Variants in STPG2 observed in about 807,000 individuals in gnomAD.
The protein encoded by STPG2 is sperm tail PG-rich repeat containing 2.
A neutral mutation model predicts 54.2 loss-of-function variants in STPG2; 56 were observed. That is an observed-to-expected ratio of 1.03 (90% confidence interval 0.83 to 1.29). The LOEUF is 1.29. Ranked by LOEUF, STPG2 falls within the 50% of genes most tolerant of loss-of-function variation. The probability of loss-of-function intolerance (pLI) is 0.00; values close to 1 mark genes in which losing one functional copy is unlikely to be tolerated. For synonymous variants in STPG2, 200 were observed against 181.8 expected (o/e 1.10, Z -0.81); for missense variants, 596 against 544.9 (o/e 1.09, Z -0.93).
At chr4:97,754,694 T>C (rs1210483245) in intron 9 of STPG2, among the ~76,000 whole-genome samples, 3 of 152,034 alleles carry the variant, frequency 2.0e-5, no homozygotes, top group Non-Finnish European at 4.4e-5. Flanking sequence ...TCACAATTTC[T>C]CTCTTCTCAC....
chr4:97,516,572 C>G (rs1296336278), intron 4 of STPG2, among the ~76,000 whole-genome samples: 1 of 151,962 alleles, frequency 6.6e-6, no homozygotes, highest in Non-Finnish European at 1.5e-5. Context: ...CGTGTAATCC[C>G]AGCACTTTGG....
intron 4 of STPG2, among the ~76,000 whole-genome samples, chr4:97,445,724 A>T (rs1729205064): frequency 6.6e-6 from 1 of 152,202 alleles, no homozygotes; most frequent in Non-Finnish European, 1.5e-5. Context: ...TGGCATCTAT[A>T]TGAATTTGAT....
At chr4:97,845,502 C>T (rs769401645) in intron 8 of STPG2, among the ~76,000 whole-genome samples, 4 of 152,196 alleles carry the variant, frequency 2.6e-5, no homozygotes, top group South Asian at 4.1e-4. Context: ...TCAATATTTG[C>T]TTTGCATATA....
intron 9 of STPG2, among the ~76,000 whole-genome samples, chr4:97,763,189 G>A (rs1338038662): frequency 6.6e-6 from 1 of 152,072 alleles, no homozygotes; most frequent in Admixed American, 6.6e-5. Context: ...ATATTTTTTG[G>A]AATGGTCATG....
chr4:97,943,476 T>C (rs949213373), intron 8 of STPG2, among the ~76,000 whole-genome samples: 1 of 152,198 alleles, frequency 6.6e-6, no homozygotes, highest in Admixed American at 6.5e-5. Flanking sequence ...TTTATAGCCA[T>C]ACCATTTAAC....
Position 97,829,009 on chromosome 4 carries a change from G to A in STPG2, c.1204+11764C>T, listed in dbSNP as rs564043823. ...AGAGCAGCAGATCTCGAAGCACAGCGTTTGAGTCTCTGCTAAGGGTCAGAC... is the reference window on the plus strand; with the variant it reads ...AGAGCAGCAGATCTCGAAGCACAGCATTTGAGTCTCTGCTAAGGGTCAGAC... On this transcript the variant is annotated intron_variant, in intron 9 of 10. Transcript: ENST00000295268. 2.5e-4 allele frequency among the ~76,000 whole-genome samples: 38 copies of A among 152,294 alleles called. No homozygotes were observed. The South Asian group carries it at 2.9e-3, about 12-fold the overall frequency.
At position 97,970,908 on chromosome 4, in the gene STPG2, C is replaced by T. The variant is rs1033208388; in HGVS notation, c.933+1372G>A. On this transcript the variant is annotated intron_variant, in intron 7 of 10. Transcript: ENST00000295268. ...ATGGGAGAAAATTTTTGCAATCTAC[C>T]CATCTGACAAAGGGCTAATATCCAG... is the stretch of plus-strand genomic sequence containing the variant. Among the ~76,000 whole-genome samples, 180 of 152,176 alleles carry T rather than the reference C, an allele frequency of 1.2e-3. 1 individual carries two copies. Among genetic ancestry groups the T allele is most frequent in the African/African-American group, 4.1e-3 (171 of 41,524 alleles).
intron 4 of STPG2, among the ~76,000 whole-genome samples, chr4:97,447,239 G>A (rs1369624366): frequency 6.6e-6 from 1 of 152,100 alleles, no homozygotes; most frequent in Non-Finnish European, 1.5e-5. Flanking sequence ...TCTGAAATTG[G>A]AACTTACATT....
chr4:98,021,014 T>C (rs564727964), intron 5 of STPG2, among the ~76,000 whole-genome samples: 41 of 151,030 alleles, frequency 2.7e-4, no homozygotes, highest in African/African-American at 9.4e-4. Flanking sequence ...GTGTCTTTGT[T>C]TAATTCAGTT....
chr4:97,919,845 G>A (rs1261015381), intron 8 of STPG2, among the ~76,000 whole-genome samples: 1 of 151,982 alleles, frequency 6.6e-6, no homozygotes, highest in African/African-American at 2.4e-5. Context: ...ACCTATAAAA[G>A]GTCATTATAA....
At chr4:97,626,118 C>T (rs1057355351) in intron 10 of STPG2, among the ~76,000 whole-genome samples, 1 of 152,130 alleles carries the variant, frequency 6.6e-6, no homozygotes, top group Non-Finnish European at 1.5e-5. Flanking sequence ...GTTATTCACT[C>T]TATAACATAT....
At chr4:97,754,915 G>A (rs758730414) in intron 9 of STPG2, among the ~76,000 whole-genome samples, 4 of 152,044 alleles carry the variant, frequency 2.6e-5, no homozygotes, top group Non-Finnish European at 4.4e-5. Context: ...AGAAACCTAC[G>A]AACCACAACC....
chr4:97,560,777 A>G (rs1270360171), intron 10 of STPG2, among the ~76,000 whole-genome samples: 1 of 152,182 alleles, frequency 6.6e-6, no homozygotes, highest in Non-Finnish European at 1.5e-5. Flanking sequence ...CCTATACCCA[A>G]GATGTATTCT....
At chr4:97,688,909 A>G (rs1255089974) in intron 10 of STPG2, among the ~76,000 whole-genome samples, 3 of 152,228 alleles carry the variant, frequency 2.0e-5, no homozygotes, top group African/African-American at 7.2e-5. Flanking sequence ...GAGATCAGAA[A>G]GATATATACA....
intron 10 of STPG2, among the ~76,000 whole-genome samples, chr4:97,691,486 G>C (rs1001990647): frequency 1.3e-5 from 2 of 152,068 alleles, no homozygotes; most frequent in Admixed American, 6.6e-5. Context: ...ATTGTACTGG[G>C]AACCACAACT....
At chr4:97,510,506 T>A (rs545741561) in intron 4 of STPG2, among the ~76,000 whole-genome samples, 1 of 152,104 alleles carries the variant, frequency 6.6e-6, no homozygotes, top group Non-Finnish European at 1.5e-5. Flanking sequence ...ACATCACAGA[T>A]ATAATGCTGG....
chr4:97,507,939 C>G (rs374566737), intron 4 of STPG2, among the ~76,000 whole-genome samples: 17 of 152,086 alleles, frequency 1.1e-4, no homozygotes, highest in African/African-American at 4.1e-4. Context: ...AATCATCAGT[C>G]ACATGATTAA....
At chr4:97,590,161 T>C (rs1278368059) in intron 10 of STPG2, among the ~76,000 whole-genome samples, 9 of 152,140 alleles carry the variant, frequency 5.9e-5, no homozygotes. Context: ...TATACTTATA[T>C]AGAAAACATT....
intron 10 of STPG2, among the ~76,000 whole-genome samples, chr4:97,692,315 A>AT (rs1723396118): frequency 6.6e-6 from 1 of 151,286 alleles, no homozygotes. Flanking sequence ...AAAAAAAAAA[A>AT]ACCTCAAGTG....
Sources: allele counts gnomAD v4.1 joint callset (sites outside exome capture counted in the v4.1 genomes callset), GRCh38; gene constraint gnomAD v4.1.1; transcripts MANE v1.5; gene names NCBI Gene and HGNC (gene_info 2026-07-23, HGNC 2026-07-21).